The following ERBB4 variants were observed in gnomAD, a reference collection of about 807,000 sequenced individuals.
ERBB4 encodes erb-b2 receptor tyrosine kinase 4.
Under a neutral mutation model 158.0 loss-of-function variants are expected in ERBB4, and 42 were observed. That is an observed-to-expected ratio of 0.27 (90% CI 0.21 to 0.34). The LOEUF (loss-of-function observed/expected upper bound fraction) is 0.34. ERBB4 is among the 10% of genes least tolerant of loss of function. The pLI is 1.00. For missense variants in ERBB4, 1,333 were observed against 1,624.1 expected (o/e 0.82, Z 3.08); for synonymous variants, 583 against 558.7 (o/e 1.04, Z -0.61).
At chr2:211,999,073 A>C (rs1244844151) in intron 2 of ERBB4, among the ~76,000 whole-genome samples, 1 of 151,698 alleles carries the variant, frequency 6.6e-6, no homozygotes, top group Non-Finnish European at 1.5e-5. Context: ...CATGTCTCTC[A>C]ATAAAGGCAT....
rs1264571499 is a variant in ERBB4 at position 211,839,344 on chromosome 2, G to A, written c.422-51185C>T. On this transcript the variant is annotated intron_variant, in intron 3 of 27. Coordinates refer to ENST00000342788, the MANE Select transcript of ERBB4 (RefSeq NM_005235.3). ...CACTTAAAAAGTAGCTCTTCATGGA[G>A]AATAGATATACAAGATATAATAAAA... Among the ~76,000 whole-genome samples, 3 of 146,534 alleles carry A rather than the reference G, an allele frequency of 2.0e-5. No homozygotes were observed. The East Asian group carries it at 6.2e-4, about 30-fold the overall frequency.
intron 1 of ERBB4, among the ~76,000 whole-genome samples, chr2:212,511,593 A>G (rs1018476403): frequency 6.6e-6 from 1 of 152,182 alleles, no homozygotes; most frequent in Non-Finnish European, 1.5e-5. Context: ...AGATTCTGTG[A>G]AACGAATAGA....
intron 2 of ERBB4, among the ~76,000 whole-genome samples, chr2:212,022,957 G>A (rs1023423218): frequency 6.6e-6 from 1 of 152,042 alleles, no homozygotes; most frequent in Non-Finnish European, 1.5e-5. Flanking sequence ...TTATGGTGGT[G>A]GGAAAGGGCA....
At chr2:211,573,525 C>G (rs1209352283) in intron 19 of ERBB4, among the ~76,000 whole-genome samples, 1 of 151,956 alleles carries the variant, frequency 6.6e-6, no homozygotes, top group Non-Finnish European at 1.5e-5. Flanking sequence ...AAAAAATTAG[C>G]CGGGCATGGT....
intron 3 of ERBB4, among the ~76,000 whole-genome samples, chr2:211,797,862 G>A (rs910341298): frequency 3.3e-5 from 5 of 151,906 alleles, no homozygotes; most frequent in African/African-American, 1.2e-4. Flanking sequence ...GAGAAAATCA[G>A]GAAGGAATAA....
chr2:212,467,008 G>T (rs1353795505), intron 1 of ERBB4, among the ~76,000 whole-genome samples: 2 of 152,150 alleles, frequency 1.3e-5, no homozygotes, highest in African/African-American at 4.8e-5. Context: ...GCAGGATTTT[G>T]CCCCTGCCCT....
At chr2:212,113,603 A>G (rs920354180) in intron 2 of ERBB4, among the ~76,000 whole-genome samples, 2 of 141,986 alleles carry the variant, frequency 1.4e-5, no homozygotes, top group Non-Finnish European at 3.1e-5. Flanking sequence ...AAAAAAAAAA[A>G]GGAATTGGAC....
chr2:212,474,736 G>A (rs2106132660), intron 1 of ERBB4, among the ~76,000 whole-genome samples: 1 of 151,036 alleles, frequency 6.6e-6, no homozygotes, highest in Admixed American at 6.6e-5. Context: ...TGTTGGGTAG[G>A]CATTTCCAAT....
chr2:211,856,398 T>TTATTTATTTATTTATCTATC (rs1553646934), intron 3 of ERBB4, among the ~76,000 whole-genome samples: 22 of 145,128 alleles, frequency 1.5e-4, no homozygotes, highest in African/African-American at 5.2e-4. Flanking sequence ...ATTTATTTAT[T>TTATTTATTTATTTATCTATC]TATCTGAGAT....
At position 211,514,689 on chromosome 2, in the gene ERBB4, G is replaced by C. The variant is rs1053331351; in HGVS notation, c.2487+47214C>G. ...TCACAGTTTATCAACTGTAAGAAAA[G>C]ACACATACAGGTTGAGAATCCCTTA... On this transcript the variant is annotated intron_variant, in intron 20 of 27. Coordinates refer to ENST00000342788, the MANE Select transcript of ERBB4 (RefSeq NM_005235.3). Among the ~76,000 whole-genome samples the C allele has an allele frequency of 8.5e-5, 13 of 152,226 alleles. No homozygotes were observed. The East Asian group carries it at 2.5e-3, about 29-fold the overall frequency.
At chr2:211,400,921 AAAATT>A (rs1448933408) in intron 25 of ERBB4, among the ~76,000 whole-genome samples, 1 of 152,110 alleles carries the variant, frequency 6.6e-6, no homozygotes, top group African/African-American at 2.4e-5. Flanking sequence ...TGTACCCACA[AAAATT>A]AAATATTTAA....
At chr2:211,646,560 T>G (rs2070787583) in intron 16 of ERBB4, among the ~76,000 whole-genome samples, 1 of 151,652 alleles carries the variant, frequency 6.6e-6, no homozygotes, top group Non-Finnish European at 1.5e-5. Context: ...ATATAAAAAC[T>G]GAAATAGGAA....
intron 3 of ERBB4, among the ~76,000 whole-genome samples, chr2:211,865,178 A>G (rs550365460): frequency 6.6e-6 from 1 of 151,586 alleles, no homozygotes; most frequent in Non-Finnish European, 1.5e-5. Context: ...GTATATATCT[A>G]TACCTATATA....
intron 1 of ERBB4, among the ~76,000 whole-genome samples, chr2:212,273,538 C>T (rs940284935): frequency 1.5e-4 from 22 of 151,712 alleles, no homozygotes; most frequent in African/African-American, 3.9e-4. Flanking sequence ...TTCCAAGGTC[C>T]GTACAATCAC....
chr2:212,297,398 T>C (rs1467991601), intron 1 of ERBB4, among the ~76,000 whole-genome samples: 1 of 151,956 alleles, frequency 6.6e-6, no homozygotes, highest in Non-Finnish European at 1.5e-5. Flanking sequence ...TAATGTAACC[T>C]TTGTGATAAA....
chr2:212,108,640 G>A (rs2079302096), intron 2 of ERBB4, among the ~76,000 whole-genome samples: 1 of 150,902 alleles, frequency 6.6e-6, no homozygotes, highest in Admixed American at 6.6e-5. Flanking sequence ...AGTGATTCCA[G>A]GAGTACATTC....
intron 2 of ERBB4, among the ~76,000 whole-genome samples, chr2:211,973,837 C>T (rs376858654): frequency 1.2e-4 from 19 of 152,012 alleles, no homozygotes; most frequent in African/African-American, 4.4e-4. Flanking sequence ...AACCTAAATG[C>T]CCATCAATAA....
chr2:211,902,820 T>C (rs1466530460), intron 3 of ERBB4, among the ~76,000 whole-genome samples: 1 of 151,924 alleles, frequency 6.6e-6, no homozygotes, highest in Non-Finnish European at 1.5e-5. Context: ...TTACTGGTAA[T>C]GAAATGGCTA....
At chr2:211,633,442 T>C (rs1196308783) in intron 16 of ERBB4, among the ~76,000 whole-genome samples, 1 of 150,660 alleles carries the variant, frequency 6.6e-6, no homozygotes, top group Non-Finnish European at 1.5e-5. Context: ...CTGGGTAGTG[T>C]GAATACAGTG....
Sources: gnomAD v4.1 joint callset for allele counts (sites outside exome capture counted in the v4.1 genomes callset) on GRCh38, gnomAD v4.1.1 for gene constraint, MANE v1.5 for transcripts, NCBI Gene and HGNC (gene_info 2026-07-23, HGNC 2026-07-21) for gene names.